Variants in CHRM3 observed in about 807,000 individuals in gnomAD.
CHRM3 encodes muscarinic acetylcholine receptor M3.
A neutral mutation model predicts 41.8 loss-of-function variants in CHRM3; 11 were observed. That is an observed-to-expected ratio of 0.26 (90% CI 0.17 to 0.44). The LOEUF (loss-of-function observed/expected upper bound fraction) is 0.44, where lower values mean the gene tolerates loss of function less well. Among genes scored for constraint, CHRM3 ranks in the 20% least tolerant of loss-of-function variants. The pLI is 1.00. For missense variants in CHRM3, 571 were observed against 745.4 expected, an observed-to-expected ratio of 0.77 and a Z score of 2.72; for synonymous variants, 297 against 301.4, an observed-to-expected ratio of 0.99 and a Z score of 0.15.
intron 2 of CHRM3, among the ~76,000 whole-genome samples, chr1:239,515,040 T>G (rs1669165687): frequency 6.6e-6 from 1 of 152,148 alleles, no homozygotes; most frequent in African/African-American, 2.4e-5. Flanking sequence ...TGTCGTATAT[T>G]TTTGTAGAAA....
chr1:239,675,980 C>A (rs909727693), intron 4 of CHRM3, among the ~76,000 whole-genome samples: 1 of 152,172 alleles, frequency 6.6e-6, no homozygotes, highest in East Asian at 1.9e-4. Context: ...CATGAGCCTT[C>A]TCTCATTAAG....
intron 3 of CHRM3, among the ~76,000 whole-genome samples, chr1:239,589,473 G>A (rs1336581720): frequency 1.7e-4 from 25 of 150,032 alleles, no homozygotes; most frequent in Admixed American, 1.7e-3. Context: ...TGTATACATA[G>A]TTTCATATAT....
chr1:239,808,570 C>T (rs1159754546), intron 5 of CHRM3, among the ~76,000 whole-genome samples: 1 of 152,136 alleles, frequency 6.6e-6, no homozygotes, highest in Non-Finnish European at 1.5e-5. Context: ...TATTTGCCAC[C>T]TAAAATGCCT....
At chr1:239,662,797 T>G (rs1673330974) in intron 4 of CHRM3, among the ~76,000 whole-genome samples, 1 of 151,880 alleles carries the variant, frequency 6.6e-6, no homozygotes, top group African/African-American at 2.4e-5. Flanking sequence ...TGTCCTCTTC[T>G]TCTTTCTTCC....
intron 5 of CHRM3, chr1:239,718,764 C>G (rs1484113709): frequency 1.3e-5 from 2 of 151,812 alleles, no homozygotes; most frequent in African/African-American, 4.8e-5. Context: ...ATTTAACTAC[C>G]CTGTTGCCAA....
At chr1:239,596,726 A>C (rs1664823237) in intron 3 of CHRM3, among the ~76,000 whole-genome samples, 1 of 152,212 alleles carries the variant, frequency 6.6e-6, no homozygotes, top group Admixed American at 6.5e-5. Flanking sequence ...AGAATGTGAA[A>C]CACATTCTGA....
chr1:239,753,913 C>T (rs527544435), intron 5 of CHRM3, among the ~76,000 whole-genome samples: 6 of 152,214 alleles, frequency 3.9e-5, no homozygotes, highest in African/African-American at 1.4e-4. Context: ...GTTGATTCTT[C>T]CAACATCGTC....
chr1:239,603,796 T>G (rs1330756621), intron 3 of CHRM3, among the ~76,000 whole-genome samples: 1 of 152,056 alleles, frequency 6.6e-6, no homozygotes, highest in Non-Finnish European at 1.5e-5. Flanking sequence ...GTATGATAAG[T>G]TTTACAATAA....
At chr1:239,792,749 A>G (rs1196059034) in intron 5 of CHRM3, among the ~76,000 whole-genome samples, 1 of 152,232 alleles carries the variant, frequency 6.6e-6, no homozygotes, top group Non-Finnish European at 1.5e-5. Flanking sequence ...CATTGAAATA[A>G]TGGACCACAG....
At chr1:239,658,757 G>A (rs1438379001) in intron 4 of CHRM3, among the ~76,000 whole-genome samples, 1 of 134,132 alleles carries the variant, frequency 7.5e-6, no homozygotes, top group Non-Finnish European at 1.6e-5. Context: ...TTTTTTTTTT[G>A]AGACAGAGTC....
At chr1:239,830,639 G>A (rs1672822992) in intron 6 of CHRM3, among the ~76,000 whole-genome samples, 1 of 152,202 alleles carries the variant, frequency 6.6e-6, no homozygotes, top group South Asian at 2.1e-4. Context: ...AGGAGGCGGA[G>A]GTTGCAGTGA....
At chr1:239,435,891 A>C (rs1663224729) in intron 1 of CHRM3, among the ~76,000 whole-genome samples, 1 of 152,304 alleles carries the variant, frequency 6.6e-6, no homozygotes, top group African/African-American at 2.4e-5. Flanking sequence ...TCTGGGCCAC[A>C]GGCTGCTCCC....
intron 5 of CHRM3, among the ~76,000 whole-genome samples, chr1:239,821,224 C>A (rs755958446): frequency 6.6e-6 from 1 of 152,202 alleles, no homozygotes; most frequent in African/African-American, 2.4e-5. Context: ...ATAAAGCTGA[C>A]CAACACTTTC....
intron 2 of CHRM3, among the ~76,000 whole-genome samples, chr1:239,521,964 A>G (rs1013908654): frequency 6.6e-6 from 1 of 152,242 alleles, no homozygotes; most frequent in African/African-American, 2.4e-5. Flanking sequence ...GGATGTTGGC[A>G]TTCAAGGGGC....
intron 5 of CHRM3, among the ~76,000 whole-genome samples, chr1:239,816,085 C>T (rs1269097146): frequency 6.6e-6 from 1 of 152,104 alleles, no homozygotes; most frequent in Non-Finnish European, 1.5e-5. Context: ...CCCTCACACC[C>T]TCCTCCCAAT....
chr1:239,737,818 G>C (rs1324825534), intron 5 of CHRM3, among the ~76,000 whole-genome samples: 1 of 152,118 alleles, frequency 6.6e-6, no homozygotes, highest in Admixed American at 6.6e-5. Flanking sequence ...AAAGTTATCT[G>C]TTAAGATATC....
chr1:239,405,103 T>G (rs1402829101), intron 1 of CHRM3, among the ~76,000 whole-genome samples: 2 of 152,186 alleles, frequency 1.3e-5, no homozygotes, highest in Non-Finnish European at 2.9e-5. Flanking sequence ...TATAAAGGTC[T>G]TCTATAAATA....
At chr1:239,505,267 A>G (rs1444340101) in intron 2 of CHRM3, among the ~76,000 whole-genome samples, 1 of 148,624 alleles carries the variant, frequency 6.7e-6, no homozygotes, top group African/African-American at 2.6e-5. Context: ...TGGGATGATG[A>G]TGATGATGAT....
intron 5 of CHRM3, among the ~76,000 whole-genome samples, chr1:239,791,540 A>G (rs1669351901): frequency 6.6e-6 from 1 of 152,182 alleles, no homozygotes; most frequent in African/African-American, 2.4e-5. Context: ...AAATGTTACT[A>G]CAGGCATTTC....
Sources: gnomAD v4.1 joint callset for allele counts (sites outside exome capture counted in the v4.1 genomes callset) on GRCh38, gnomAD v4.1.1 for gene constraint, MANE v1.5 for transcripts, NCBI Gene and HGNC (gene_info 2026-07-23, HGNC 2026-07-21) for gene names.